The following KAZN variants were observed in gnomAD, a reference collection of about 807,000 sequenced individuals.
KAZN encodes kazrin, periplakin interacting protein, also known as kazrin.
In KAZN, 40 loss-of-function variants were observed where a neutral mutation model predicts 87.4. The observed-to-expected ratio is 0.46, with a 90% CI of 0.36 to 0.60. The LOEUF is 0.60. Ranked by LOEUF, KAZN falls within the 20% of genes least tolerant of loss-of-function variation. The pLI is 0.00. For missense variants in KAZN, 898 were observed against 1,073.9 expected (o/e 0.84, Z 2.29); for synonymous variants, 466 against 458.3 (o/e 1.02, Z -0.22).
intron 1 of KAZN, among the ~76,000 whole-genome samples, chr1:13,932,008 ATTTTT>A (rs35231877): frequency 3.3e-5 from 4 of 122,914 alleles, no homozygotes; most frequent in African/African-American, 9.3e-5. Flanking sequence ...GGCTTGGCTA[ATTTTT>A]TTTTTTTTTT....
At chr1:15,093,152 G>T (rs540211568) in intron 8 of KAZN, among the ~76,000 whole-genome samples, 16 of 152,208 alleles carry the variant, frequency 1.1e-4, no homozygotes, top group East Asian at 3.9e-4. Flanking sequence ...CAGTCAAAAG[G>T]TACCGCAGGT....
At chr1:13,951,875 A>G (rs1377418679) in intron 1 of KAZN, among the ~76,000 whole-genome samples, 1 of 152,190 alleles carries the variant, frequency 6.6e-6, no homozygotes, top group African/African-American at 2.4e-5. Context: ...CATGATGCCA[A>G]GGTATGACCC....
rs1166921576 is a variant in KAZN, at chr1:14,820,466, C to G, written c.227-140218C>G. Among the ~76,000 whole-genome samples, 2 of 152,230 alleles carry G rather than the reference C, an allele frequency of 1.3e-5. No individual in the cohort carries two copies. Among genetic ancestry groups the G allele is most frequent in the African/African-American group, 4.8e-5 (2 of 41,458 alleles). On this transcript the variant is annotated intron_variant, in intron 1 of 14. Coordinates refer to ENST00000376030, the MANE Select transcript of KAZN (RefSeq NM_201628.3). The surrounding 1 kb of genome is among the most constrained non-coding windows in gnomAD (Gnocchi z 4.1). ...GTCCCACTGCCCCCGTTTGGTGCCA[C>G]AGTTGGGTTTATTCTCACAGCTGCA...
chr1:14,393,464 C>T (rs145601323), intron 2 of KAZN, among the ~76,000 whole-genome samples: 2,264 of 152,202 alleles, frequency 0.015, 118 homozygotes, highest in Admixed American at 0.099. Context: ...TACTGAGGAT[C>T]CTCTGTGTGC....
chr1:14,737,229 C>T (rs1438456604), intron 1 of KAZN, among the ~76,000 whole-genome samples: 1 of 151,982 alleles, frequency 6.6e-6, no homozygotes, highest in African/African-American at 2.4e-5. Flanking sequence ...TCAGGGTGCT[C>T]CAACATGCAA....
chr1:14,856,582 T>C lies in KAZN; in HGVS notation c.227-104102T>C, dbSNP rs1375234659. On this transcript the variant is annotated intron_variant, in intron 1 of 14. Coordinates refer to ENST00000376030, the MANE Select transcript of KAZN (RefSeq NM_201628.3). This position sits in a 1 kb window ranked among gnomAD's most constrained non-coding sequence, Gnocchi z 5.2. ...TTAGTATAAAACATTCCATATTTTA[T>C]TTCTATTTTGGTAGCTCAACAATTC... 6.6e-6 allele frequency among the ~76,000 whole-genome samples: 1 copy of C among 152,250 alleles called. No homozygotes were observed. Among genetic ancestry groups the C allele is most frequent in the Non-Finnish European group, 1.5e-5 (1 of 68,040 alleles).
intron 1 of KAZN, among the ~76,000 whole-genome samples, chr1:14,826,939 T>C (rs1003831845): frequency 6.6e-6 from 1 of 152,118 alleles, no homozygotes; most frequent in African/African-American, 2.4e-5. Context: ...CTGTGTGATG[T>C]GGGGTTAGCC....
At chr1:14,147,174 T>C (rs1161392409) in intron 1 of KAZN, among the ~76,000 whole-genome samples, 1 of 152,236 alleles carries the variant, frequency 6.6e-6, no homozygotes, top group Non-Finnish European at 1.5e-5. Flanking sequence ...ATTTATGTTA[T>C]CATTAATAAA....
intron 1 of KAZN, among the ~76,000 whole-genome samples, chr1:14,749,118 G>C (rs927043410): frequency 1.3e-5 from 2 of 152,138 alleles, no homozygotes; most frequent in African/African-American, 4.8e-5. Flanking sequence ...ATAAATAAAC[G>C]TGGTCCACAT....
At chr1:15,029,842 G>T (rs1671511696) in intron 2 of KAZN, among the ~76,000 whole-genome samples, 1 of 152,186 alleles carries the variant, frequency 6.6e-6, no homozygotes, top group Non-Finnish European at 1.5e-5. Context: ...CCCCCAGGGA[G>T]CCCATGCGAC....
rs1653642103 is a variant in KAZN at position 14,883,367 on chromosome 1, GAAA to G, written c.227-77316_227-77314del. ...GAAAGAAAGAAAGAAAAGAAAGAAA[GAAA>G]GAAAGAAAGAAAGAAAGAAAGAAAG... On this transcript the variant is annotated intron_variant, in intron 1 of 14. Coordinates refer to ENST00000376030, the MANE Select transcript of KAZN (RefSeq NM_201628.3). Among the ~76,000 whole-genome samples, 2 of 73,210 alleles carry G rather than the reference GAAA, an allele frequency of 2.7e-5. 1 individual carries two copies. The highest frequency in any genetic ancestry group is 1.1e-4 in the African/African-American group (2 of 18,712). The allele number at this position is 73,210 out of a possible 152,430, so 48.0% of individuals were successfully genotyped here. A position where few individuals can be genotyped will look rare whatever the true frequency, so the allele number is the denominator to read the frequency against.
rs550864421 is a variant in KAZN at position 14,318,844 on chromosome 1, T to C, written c.249+138252T>C. Among the ~76,000 whole-genome samples, 9 of 151,610 alleles carry C rather than the reference T, an allele frequency of 5.9e-5. No individual in the cohort carries two copies. The South Asian group carries it at 1.7e-3, about 28-fold the overall frequency. On this transcript the variant is annotated intron_variant, in intron 2 of 16. Transcript: ENST00000636203. Reference sequence around the variant, plus strand: ...CCAGTTAAGTCTTAGTTTCAGATGTTATACGTCTAGAGACTTCATTGGTTC... The same window carrying C: ...CCAGTTAAGTCTTAGTTTCAGATGTCATACGTCTAGAGACTTCATTGGTTC...
chr1:13,990,637 T>A (rs1237104488), intron 1 of KAZN, among the ~76,000 whole-genome samples: 3 of 152,182 alleles, frequency 2.0e-5, no homozygotes, highest in Admixed American at 6.5e-5. Context: ...TTAAAACTCA[T>A]AGGATGATAC....
intron 1 of KAZN, chr1:14,924,265 C>T (rs1658881938): frequency 2.0e-6 from 2 of 982,358 alleles, no homozygotes; most frequent in Non-Finnish European, 2.4e-6. Flanking sequence ...GCGGGCTCGG[C>T]TGCGCCCCGA....
intron 1 of KAZN, among the ~76,000 whole-genome samples, chr1:14,128,136 T>C (rs1644913620): frequency 6.6e-6 from 1 of 151,918 alleles, no homozygotes; most frequent in South Asian, 2.1e-4. Flanking sequence ...TCTGTGAAAA[T>C]CAGGAGGCCA....
intron 2 of KAZN, among the ~76,000 whole-genome samples, chr1:15,026,168 A>C (rs529751533): frequency 6.6e-6 from 1 of 152,162 alleles, no homozygotes; most frequent in South Asian, 2.1e-4. Flanking sequence ...CCTATTGCTC[A>C]AGTCAGCCTG....
intron 2 of KAZN, among the ~76,000 whole-genome samples, chr1:15,015,194 C>T (rs1365997924): frequency 6.6e-6 from 1 of 151,752 alleles, no homozygotes; most frequent in East Asian, 1.9e-4. Flanking sequence ...CACTCTGTTG[C>T]CAGGCTGGAG....
intron 1 of KAZN, among the ~76,000 whole-genome samples, chr1:13,924,877 G>A (rs959802438): frequency 4.6e-5 from 7 of 152,130 alleles, no homozygotes; most frequent in Non-Finnish European, 5.9e-5. Flanking sequence ...CTCAACCTTG[G>A]CAACATAAAC....
chr1:14,896,041 CTTTTTTTTTTTTTTTTTT>C (rs201188620), intron 1 of KAZN, among the ~76,000 whole-genome samples: 41,594 of 141,118 alleles, frequency 0.29, 6,665 homozygotes, highest in African/African-American at 0.43. Context: ...AAAAAGACGC[CTTTTTTTTTTTTTTTTTT>C]TTTTTTTTTT....
Sources: allele counts gnomAD v4.1 joint callset (sites outside exome capture counted in the v4.1 genomes callset), GRCh38; gene constraint gnomAD v4.1.1; non-coding constraint Gnocchi (gnomAD v3.1); transcripts MANE v1.5; gene names NCBI Gene and HGNC (gene_info 2026-07-23, HGNC 2026-07-21).